The following RYR3 variants were observed in gnomAD, a reference collection of about 807,000 sequenced individuals.
The protein encoded by RYR3 is brain ryanodine receptor-calcium release channel.
A neutral mutation model predicts 584.3 loss-of-function variants in RYR3; 207 were observed. The observed-to-expected ratio is 0.35, with a 90% CI of 0.32 to 0.40. The LOEUF (loss-of-function observed/expected upper bound fraction) is 0.40. RYR3 is among the 10% of genes least tolerant of loss of function. The pLI, the probability that RYR3 is intolerant of heterozygous loss-of-function variation, is 1.00. For missense variants in RYR3, 5,616 were observed against 6,089.2 expected (o/e 0.92, Z 2.59); for synonymous variants, 2,416 against 2,248.5 (o/e 1.07, Z -2.11).
intron 1 of RYR3, among the ~76,000 whole-genome samples, chr15:33,363,999 T>A (rs1975126518): frequency 6.6e-6 from 1 of 152,198 alleles, no homozygotes; most frequent in African/African-American, 2.4e-5. Context: ...TAAATACAGA[T>A]CAAGTATTTC....
chr15:33,853,016 G>C (rs376260400), intron 94 of RYR3, 29 bp from the exon 95 acceptor site: 1 of 1,591,130 alleles, frequency 6.3e-7, no homozygotes, highest in Admixed American at 1.8e-5. Context: ...TAAGAATGAA[G>C]AACCAACCTT....
At chr15:33,767,862 C>T (rs1035316138) in intron 60 of RYR3, among the ~76,000 whole-genome samples, 3 of 152,306 alleles carry the variant, frequency 2.0e-5, no homozygotes, top group East Asian at 3.9e-4. Context: ...CCACAGTGCC[C>T]CTAGGTGAGG....
chr15:33,657,378 T>C (rs1375650353), intron 32 of RYR3, among the ~76,000 whole-genome samples: 1 of 152,220 alleles, frequency 6.6e-6, no homozygotes, highest in African/African-American at 2.4e-5. Context: ...TCTCTCTCCC[T>C]GTTAGCAGAA....
chr15:33,792,047 C>T (rs774213819), intron 67 of RYR3, among the ~76,000 whole-genome samples: 3 of 152,106 alleles, frequency 2.0e-5, no homozygotes, highest in Non-Finnish European at 4.4e-5. Flanking sequence ...AAGAAATCAA[C>T]AGACTGAAAG....
intron 67 of RYR3, among the ~76,000 whole-genome samples, chr15:33,791,147 C>T (rs534935181): frequency 1.3e-5 from 2 of 152,292 alleles, no homozygotes; most frequent in East Asian, 1.9e-4. Flanking sequence ...AGAAATGGGA[C>T]GCTAGCTAGA....
intron 1 of RYR3, among the ~76,000 whole-genome samples, chr15:33,424,751 T>G (rs760705212): frequency 1.3e-5 from 2 of 152,150 alleles, no homozygotes; most frequent in African/African-American, 2.4e-5. Flanking sequence ...TGAACTCTTC[T>G]GTGTCTTATT....
intron 38 of RYR3, among the ~76,000 whole-genome samples, chr15:33,691,849 C>T (rs1247515500): frequency 6.6e-6 from 1 of 152,184 alleles, no homozygotes; most frequent in Non-Finnish European, 1.5e-5. Context: ...TAGTTGGGTG[C>T]TGCTAACTCG....
chr15:33,793,465 A>G (rs2075283481), intron 67 of RYR3, among the ~76,000 whole-genome samples: 1 of 152,104 alleles, frequency 6.6e-6, no homozygotes, highest in South Asian at 2.1e-4. Context: ...TCCTGAAGCT[A>G]CCTAGCCCTT....
chr15:33,581,438 G>T, intron 13 of RYR3, 70 bp from the exon 14 acceptor site: 3 of 1,460,076 alleles, frequency 2.1e-6, no homozygotes, highest in Non-Finnish European at 2.8e-6. Context: ...GATACAGGAG[G>T]GGAAAGAGCA....
At chr15:33,723,345 G>C (rs1338758215) in intron 44 of RYR3, among the ~76,000 whole-genome samples, 1 of 150,464 alleles carries the variant, frequency 6.6e-6, no homozygotes, top group African/African-American at 2.5e-5. Flanking sequence ...GTTTCGATTT[G>C]ACTTCTAAAA....
intron 60 of RYR3, among the ~76,000 whole-genome samples, chr15:33,758,673 C>T (rs1393151939): frequency 1.3e-5 from 2 of 152,300 alleles, no homozygotes; most frequent in Non-Finnish European, 1.5e-5. Flanking sequence ...CTCCCATATC[C>T]CTGGGACAGA....
At chr15:33,648,977 A>C in intron 30 of RYR3, 95 bp from the exon 31 acceptor site, 1 of 1,243,414 alleles carries the variant, frequency 8.0e-7, no homozygotes, top group Non-Finnish European at 1.1e-6. Flanking sequence ...GGGGGGGCCA[A>C]GTGAGCTGCT....
At chr15:33,549,280 T>C (rs2141232883) in intron 9 of RYR3, among the ~76,000 whole-genome samples, 1 of 152,314 alleles carries the variant, frequency 6.6e-6, no homozygotes, top group South Asian at 2.1e-4. Context: ...TGCGTACTTC[T>C]GGTTATGATT....
chr15:33,840,064 GT>G (rs1249744649), intron 89 of RYR3, among the ~76,000 whole-genome samples: 4 of 152,228 alleles, frequency 2.6e-5, no homozygotes, highest in Non-Finnish European at 5.9e-5. Flanking sequence ...ATTATCATTT[GT>G]GCTGCGTGTT....
At chr15:33,334,388 A>C (rs1386062551) in intron 1 of RYR3, among the ~76,000 whole-genome samples, 1 of 152,130 alleles carries the variant, frequency 6.6e-6, no homozygotes, top group Non-Finnish European at 1.5e-5. Flanking sequence ...CACACCTACA[A>C]CTATTGGATC....
intron 5 of RYR3, among the ~76,000 whole-genome samples, chr15:33,535,555 A>G (rs1386155282): frequency 1.3e-5 from 2 of 152,216 alleles, no homozygotes; most frequent in East Asian, 1.9e-4. Flanking sequence ...CTCTGAATAT[A>G]CACTTCTTTC....
intron 1 of RYR3, chr15:33,465,896 C>T (rs933150494): frequency 1.1e-5 from 5 of 463,854 alleles, no homozygotes; most frequent in African/African-American, 9.9e-5. Context: ...TTCCTTTCTT[C>T]ATCTCTCCGT....
At position 33,823,012 on chromosome 15, in the gene RYR3, T is replaced by C. The variant is rs2152960282; in HGVS notation, c.11012T>C (p.Leu3671Pro). The change falls in exon 81 of 104, where the codon CTA becomes CCA. Residue 3671 changes from leucine to proline, a missense_variant. Transcript: ENST00000634891. ...AGVQQKMLDY[L>P]KEKKDAGFFQ... is the part of the protein sequence containing the mutation. The stretch of plus-strand genomic sequence containing the variant: ...CCCTTGCAGAAAATGCTAGATTACC[T>C]AAAGGAGAAAAAGGATGCTGGATTC... 6.2e-7 allele frequency: 1 copy of C among 1,613,460 alleles called. No homozygotes were observed.
At chr15:33,797,869 T>C (rs2075712168) in intron 67 of RYR3, among the ~76,000 whole-genome samples, 1 of 152,172 alleles carries the variant, frequency 6.6e-6, no homozygotes, top group African/African-American at 2.4e-5. Context: ...AATTTGACAT[T>C]TGACCCTGAA....
Sources: allele counts gnomAD v4.1 joint callset (sites outside exome capture counted in the v4.1 genomes callset), GRCh38; gene constraint gnomAD v4.1.1; transcripts MANE v1.5; gene names NCBI Gene and HGNC (gene_info 2026-07-23, HGNC 2026-07-21).